The following NDFIP2 variants were observed in gnomAD, a reference collection of about 807,000 sequenced individuals.
NDFIP2 encodes Nedd4 family interacting protein 2.
A neutral mutation model predicts 36.0 loss-of-function variants in NDFIP2; 19 were observed. The ratio of observed to expected loss-of-function variants is 0.53; its 90% CI spans 0.37 to 0.77. The LOEUF (loss-of-function observed/expected upper bound fraction) is 0.77. NDFIP2 is among the 30% of genes least tolerant of loss of function. The probability of loss-of-function intolerance (pLI) is 0.00; values close to 1 mark genes in which losing one functional copy is unlikely to be tolerated. For missense variants in NDFIP2, 446 were observed against 435.8 expected (o/e 1.02, Z -0.21); for synonymous variants, 181 against 167.7 (o/e 1.08, Z -0.61).
chr13:79,518,216 G>C (rs2137082819), intron 1 of NDFIP2, among the ~76,000 whole-genome samples: 1 of 152,306 alleles, frequency 6.6e-6, no homozygotes, highest in East Asian at 1.9e-4. Flanking sequence ...ACTTGGAAAA[G>C]TGCTGCAAGA....
At chr13:79,504,682 G>C (rs1372574182) in intron 1 of NDFIP2, among the ~76,000 whole-genome samples, 1 of 151,586 alleles carries the variant, frequency 6.6e-6, no homozygotes, top group Non-Finnish European at 1.5e-5. Flanking sequence ...AAAGGTTCAG[G>C]TCAGTTATTT....
intron 2 of NDFIP2, among the ~76,000 whole-genome samples, chr13:79,526,784 G>A (rs754119594): frequency 3.5e-4 from 54 of 152,200 alleles, no homozygotes; most frequent in Non-Finnish European, 6.6e-4. Context: ...CACTTACTGT[G>A]TGCTTACTGC....
chr13:79,555,090 T>G lies in NDFIP2; in HGVS notation c.*2577T>G, dbSNP rs1233647309. ...CTATTTTGAGTCTATAAGATATATT[T>G]CATTTTAGACATGCCTTCTAAGTTG... On this transcript the variant is annotated 3_prime_UTR_variant, in exon 8 of 8. Coordinates refer to ENST00000218652, the MANE Select transcript of NDFIP2 (RefSeq NM_019080.3). The G allele has an allele frequency of 6.6e-6, 1 of 151,606 alleles. No homozygotes were observed. Among genetic ancestry groups the G allele is most frequent in the Non-Finnish European group, 1.5e-5 (1 of 67,802 alleles). The allele number at this position is 151,606 out of a possible 1,614,324, so 9.4% of individuals were successfully genotyped here.
intron 1 of NDFIP2, among the ~76,000 whole-genome samples, chr13:79,482,103 A>G (rs1307564169): frequency 6.8e-6 from 1 of 147,848 alleles, no homozygotes; most frequent in Non-Finnish European, 1.5e-5. Flanking sequence ...GTCCTTTTCC[A>G]TTATGTTAGT....
At chr13:79,525,416 G>A (rs1874753672) in intron 2 of NDFIP2, among the ~76,000 whole-genome samples, 1 of 152,052 alleles carries the variant, frequency 6.6e-6, no homozygotes, top group South Asian at 2.1e-4. Context: ...AGCAACCTCA[G>A]CCTACGTTTT....
intron 1 of NDFIP2, among the ~76,000 whole-genome samples, chr13:79,513,307 C>T (rs1874148429): frequency 6.6e-6 from 1 of 152,170 alleles, no homozygotes; most frequent in Non-Finnish European, 1.5e-5. Context: ...TAACACACAG[C>T]ATAGTCACCA....
intron 1 of NDFIP2, among the ~76,000 whole-genome samples, chr13:79,520,170 C>T (rs1874512524): frequency 6.6e-6 from 1 of 152,168 alleles, no homozygotes; most frequent in Admixed American, 6.5e-5. Flanking sequence ...GAATGTTTAT[C>T]TGTTTTATTC....
chr13:79,548,878 T>G (rs144997457), intron 6 of NDFIP2, among the ~76,000 whole-genome samples: 18 of 152,188 alleles, frequency 1.2e-4, no homozygotes, highest in African/African-American at 4.1e-4. Context: ...TCTGTTGAGT[T>G]GTCTTCCTAT....
intron 4 of NDFIP2, 89 bp from the exon 5 acceptor site, chr13:79,543,469 T>G: frequency 6.7e-7 from 1 of 1,493,654 alleles, no homozygotes; most frequent in South Asian, 1.3e-5. Flanking sequence ...AGCTGCTGTT[T>G]CCATTGAGCC....
At chr13:79,496,446 G>A (rs542699689) in intron 1 of NDFIP2, among the ~76,000 whole-genome samples, 1 of 151,710 alleles carries the variant, frequency 6.6e-6, no homozygotes, top group Admixed American at 6.6e-5. Context: ...TATATATATT[G>A]GTTTTCACAG....
chr13:79,528,708 T>G (rs1373291412), intron 2 of NDFIP2, among the ~76,000 whole-genome samples: 1 of 152,206 alleles, frequency 6.6e-6, no homozygotes, highest in Non-Finnish European at 1.5e-5. Context: ...CTTAACATTG[T>G]GTTGCAGTTG....
At chr13:79,486,213 T>C (rs1872980536) in intron 1 of NDFIP2, among the ~76,000 whole-genome samples, 2 of 152,206 alleles carry the variant, frequency 1.3e-5, no homozygotes, top group African/African-American at 4.8e-5. Context: ...TAAGGGATAC[T>C]CAACCTGTAT....
intron 1 of NDFIP2, among the ~76,000 whole-genome samples, chr13:79,504,372 AT>A (rs1873779894): frequency 6.6e-6 from 1 of 152,096 alleles, no homozygotes; most frequent in South Asian, 2.1e-4. Flanking sequence ...TTCTTGAAAC[AT>A]TTTAAAGTAA....
chr13:79,528,219 G>A (rs2137094977), intron 2 of NDFIP2, among the ~76,000 whole-genome samples: 1 of 152,122 alleles, frequency 6.6e-6, no homozygotes, highest in Middle Eastern at 3.4e-3. Context: ...ATGTGCCACT[G>A]CACTCCAGCC....
chr13:79,482,877 A>G (rs973296812), intron 1 of NDFIP2, among the ~76,000 whole-genome samples: 3 of 152,170 alleles, frequency 2.0e-5, no homozygotes, highest in Non-Finnish European at 4.4e-5. Context: ...GCGTTTTTCA[A>G]GTTGTCAGTG....
intron 3 of NDFIP2, among the ~76,000 whole-genome samples, chr13:79,538,548 G>A (rs1286192345): frequency 1.3e-5 from 2 of 152,190 alleles, no homozygotes; most frequent in African/African-American, 4.8e-5. Flanking sequence ...CCCCATGGAA[G>A]ACCGAAACCA....
chr13:79,517,544 G>T (rs1006980944), intron 1 of NDFIP2, among the ~76,000 whole-genome samples: 9 of 152,208 alleles, frequency 5.9e-5, no homozygotes, highest in Admixed American at 5.2e-4. Context: ...CAAAATTACA[G>T]AATTTTATTT....
intron 1 of NDFIP2, among the ~76,000 whole-genome samples, chr13:79,505,935 G>A (rs1299347711): frequency 6.6e-6 from 1 of 152,110 alleles, no homozygotes; most frequent in Non-Finnish European, 1.5e-5. Flanking sequence ...CATCATATCT[G>A]TGTTTATGTA....
chr13:79,486,187 T>A (rs1344041186), intron 1 of NDFIP2, among the ~76,000 whole-genome samples: 1 of 152,184 alleles, frequency 6.6e-6, no homozygotes, highest in Non-Finnish European at 1.5e-5. Context: ...ACACTTCTGG[T>A]CCCAAGCATT....
Sources: allele counts gnomAD v4.1 joint callset (sites outside exome capture counted in the v4.1 genomes callset), GRCh38; gene constraint gnomAD v4.1.1; transcripts MANE v1.5; gene names NCBI Gene and HGNC (gene_info 2026-07-23, HGNC 2026-07-21).